Variants in RALGDS observed in about 807,000 individuals in gnomAD.
RALGDS encodes the protein ral guanine nucleotide exchange factor.
A neutral mutation model predicts 99.8 loss-of-function variants in RALGDS; 44 were observed. The observed-to-expected ratio is 0.44, with a 90% CI of 0.35 to 0.57. The LOEUF is 0.57. Among genes scored for constraint, RALGDS ranks in the 20% least tolerant of loss-of-function variants. The probability of loss-of-function intolerance (pLI) is 0.01; values close to 1 mark genes in which losing one functional copy is unlikely to be tolerated. For synonymous variants in RALGDS, 529 were observed against 505.0 expected (o/e 1.05, Z -0.64); for missense variants, 1,022 against 1,203.1 (o/e 0.85, Z 2.23).
At chr9:133,125,360 G>A (rs575276131), upstream of RALGDS, among the ~76,000 whole-genome samples, 4 of 152,304 alleles carry the variant, frequency 2.6e-5, no homozygotes, top group East Asian at 3.9e-4. Context: ...GCCCTGCACC[G>A]ATGGTCGTGA....
At chr9:133,126,124 G>A (rs1034986285), upstream of RALGDS, among the ~76,000 whole-genome samples, 10 of 152,108 alleles carry the variant, frequency 6.6e-5, no homozygotes, top group Non-Finnish European at 1.3e-4. Context: ...AGCACTGCCC[G>A]GAAGTGGGGG....
chr9:133,103,252 A>G lies in RALGDS; in HGVS notation c.1769T>C (p.Ile590Thr), dbSNP rs1314324802. The change falls in exon 12 of 18, where the codon ATC becomes ACC. Residue 590 changes from isoleucine to threonine, a missense_variant. Coordinates refer to ENST00000372050, the MANE Select transcript of RALGDS (RefSeq NM_006266.4). Reference sequence around the variant, plus strand: ...TACCTTCCTCCTCTTCTCAAAGTTGATGAGTCTGCCCTGGAAGGTGGACAC... The same window carrying G: ...TACCTTCCTCCTCTTCTCAAAGTTGGTGAGTCTGCCCTGGAAGGTGGACAC... Reference protein sequence around the residue: ...AMKDYLYGRLINFEKRRKEFE... With the variant: ...AMKDYLYGRLTNFEKRRKEFE... 6.2e-7 allele frequency: 1 copy of G among 1,613,926 alleles called. No individual in the cohort carries two copies. Among genetic ancestry groups the G allele is most frequent in the Non-Finnish European group, 8.5e-7 (1 of 1,179,994 alleles).
At chr9:133,122,306 C>T (rs1475857784), upstream of RALGDS, among the ~76,000 whole-genome samples, 1 of 152,262 alleles carries the variant, frequency 6.6e-6, no homozygotes, top group African/African-American at 2.4e-5. Flanking sequence ...CCTCACTCAT[C>T]ACTGGGCCTG....
chr9:133,143,771 T>TAATAATAATAATAAC (rs1554745676), intron 1 of RALGDS, among the ~76,000 whole-genome samples: 30 of 111,598 alleles, frequency 2.7e-4, no homozygotes, highest in Admixed American at 1.2e-3. Flanking sequence ...ATAATAATAA[T>TAATAATAATAATAAC]AACAACAACA....
intron 1 of RALGDS, among the ~76,000 whole-genome samples, chr9:133,148,053 GC>G (rs888064339): frequency 5.9e-4 from 89 of 152,066 alleles, no homozygotes; most frequent in African/African-American, 2.0e-3. Flanking sequence ...CAGCCCTTCA[GC>G]CCCCCCGGCT....
chr9:133,143,054 G>T (rs1397736322), intron 1 of RALGDS, among the ~76,000 whole-genome samples: 2 of 152,250 alleles, frequency 1.3e-5, no homozygotes, highest in Non-Finnish European at 2.9e-5. Context: ...CAGATACAAG[G>T]GACACTTTAG....
chr9:133,126,402 G>C (rs960647120), intron 1 of RALGDS, among the ~76,000 whole-genome samples: 1 of 152,234 alleles, frequency 6.6e-6, no homozygotes, highest in African/African-American at 2.4e-5. Flanking sequence ...TGTTTGGCTT[G>C]CGAAGTGTTT....
rs765841775 is a variant in RALGDS, at chr9:133,101,657, G to A, written c.2317C>T (p.Arg773Cys). ...CCTGAGACAGAGCGCTTGTGGGTGC[G>A]TGTGGCAGCCACGGGCGTGGTGGAG... Reference protein sequence around the residue: ...SASTTPVAATRTHKRSVSGLC... With the variant: ...SASTTPVAATCTHKRSVSGLC... The change falls in exon 16 of 18, where the codon CGC (arginine) becomes TGC (cysteine). Residue 773 changes from arginine (R) to cysteine (C), a missense_variant. By Grantham distance (180) the Arg-to-Cys change is radical (BLOSUM62 -3). This residue lies in a region of RALGDS where 825 missense variants were observed against 994.5 expected (regional missense o/e 0.83). Coordinates refer to ENST00000372050, the MANE Select transcript of RALGDS (RefSeq NM_006266.4). The A allele has an allele frequency of 5.6e-6, 9 of 1,613,738 alleles. No homozygotes were observed. The highest frequency in any genetic ancestry group is 3.3e-5 in the South Asian group (3 of 91,096).
At chr9:133,100,102 TG>T in intron 17 of RALGDS, 165 bp downstream of exon 17, 1 of 732,356 alleles carries the variant, frequency 1.4e-6, no homozygotes, top group Admixed American at 1.9e-5. Flanking sequence ...GTCCAGTGGT[TG>T]CTGGGGACAG....
At chr9:133,102,752 T>C (rs762662644) in intron 13 of RALGDS, 27 bp downstream of exon 13, 1 of 1,608,034 alleles carries the variant, frequency 6.2e-7, no homozygotes, top group South Asian at 1.1e-5. Flanking sequence ...CTGCCCCCAC[T>C]GTCCCCATTT....
At chr9:133,122,284 C>A (rs1298100063), upstream of RALGDS, among the ~76,000 whole-genome samples, 1 of 152,224 alleles carries the variant, frequency 6.6e-6, no homozygotes, top group Non-Finnish European at 1.5e-5. Flanking sequence ...ATGAATGGGA[C>A]CCTTCCTCAT....
intron 9 of RALGDS, among the ~76,000 whole-genome samples, chr9:133,104,793 C>T (rs1269318318): frequency 6.6e-6 from 1 of 152,156 alleles, no homozygotes; most frequent in Non-Finnish European, 1.5e-5. Flanking sequence ...GCCTGGGAGA[C>T]AGAGCGAGAC....
At position 133,102,773 on chromosome 9, in the gene RALGDS, C is replaced by A. The variant is rs1168221036; in HGVS notation, c.1913+6G>T. 2 of 1,611,264 alleles carry A rather than the reference C, an allele frequency of 1.2e-6. No individual in the cohort carries two copies. The highest frequency in any genetic ancestry group is 2.2e-5 in the South Asian group (2 of 90,858). ...CCACTGTCCCCATTTGCTGCCCCGG[C>A]CTCACCTCTCAGTCTCGCTGAGCCG... On this transcript the variant is annotated splice_donor_region_variant and intron_variant, in intron 13 of 17. Coordinates refer to ENST00000372050, the MANE Select transcript of RALGDS (RefSeq NM_006266.4).
chr9:133,147,698 C>T (rs113507075), intron 1 of RALGDS, among the ~76,000 whole-genome samples: 7 of 152,218 alleles, frequency 4.6e-5, no homozygotes, highest in African/African-American at 1.7e-4. Context: ...TGGTGGCCGG[C>T]ACTAGCACAG....
At chr9:133,116,322 G>A (rs1337446692) in intron 1 of RALGDS, among the ~76,000 whole-genome samples, 1 of 152,242 alleles carries the variant, frequency 6.6e-6, no homozygotes, top group Admixed American at 6.5e-5. Context: ...GGGACGACAC[G>A]CGGTGCCTGC....
In RALGDS at chr9:133,098,728, A is replaced by G; in HGVS notation, c.2604T>C (p.Tyr868=). ...LKIPENANVF[Y]AMNSTANYDF... ...CATAGTTGGCGGTAGAGTTCATGGC[A>G]TAGAAGACGTTGGCGTTTTCAGGGA... is the stretch of plus-strand genomic sequence containing the variant. The change falls in exon 18 of 18, where the codon TAT becomes TAC. Residue 868 remains tyrosine, a synonymous_variant. Transcript: ENST00000372050. 6.2e-7 allele frequency: 1 copy of G among 1,614,080 alleles called. No individual in the cohort carries two copies.
Position 133,110,355 on chromosome 9 carries a change from G to C in RALGDS, c.429C>G (p.Phe143Leu). The C allele has an allele frequency of 6.2e-7, 1 of 1,613,784 alleles. No individual in the cohort carries two copies. Among genetic ancestry groups the C allele is most frequent in the Non-Finnish European group, 8.5e-7 (1 of 1,180,012 alleles). The stretch of plus-strand genomic sequence containing the variant: ...TGGTGAAGGCTCTATAGGTACACAG[G>C]AAGATGGTGACGTAGGAGAGGTCGC... ...QGSDLSYVTI[F>L]LCTYRAFTTT... Residue 143 changes from phenylalanine (F) to leucine (L), a missense_variant, in exon 3 of 18, where the codon TTC (phenylalanine) becomes TTG (leucine). Physicochemically the swap from Phe to Leu is conservative, Grantham distance 22. Around this residue, in one of 3 missense-constraint regions of RALGDS, gnomAD observed 17 missense variants for 39.3 expected, o/e 0.43. Coordinates refer to ENST00000372050, the MANE Select transcript of RALGDS (RefSeq NM_006266.4).
intron 1 of RALGDS, among the ~76,000 whole-genome samples, chr9:133,143,792 T>C (rs56849891): frequency 0.8 from 97,634 of 121,372 alleles, 38,621 homozygotes; most frequent in East Asian, 0.92. Flanking sequence ...ACAACAATAA[T>C]AATAATAATA....
intron 1 of RALGDS, among the ~76,000 whole-genome samples, chr9:133,118,226 C>G (rs1398228427): frequency 6.6e-6 from 1 of 152,252 alleles, no homozygotes; most frequent in African/African-American, 2.4e-5. Context: ...CACACACCCA[C>G]ACAGGGACAG....
Sources: gnomAD v4.1 joint callset for allele counts (sites outside exome capture counted in the v4.1 genomes callset) on GRCh38, gnomAD v4.1.1 for gene constraint, gnomAD v4.1.1 regional missense constraint, MANE v1.5 for transcripts, NCBI Gene and HGNC (gene_info 2026-07-23, HGNC 2026-07-21) for gene names.